The following SUGP1 variants were observed in gnomAD, a reference collection of about 807,000 sequenced individuals.
SUGP1 encodes the protein SURP and G-patch domain-containing protein 1.
In SUGP1, 34 loss-of-function variants were observed where a neutral mutation model predicts 76.5. The ratio of observed to expected loss-of-function variants is 0.44; its 90% confidence interval spans 0.34 to 0.59. SUGP1 has a LOEUF of 0.59. Ranked by LOEUF, SUGP1 falls within the 20% of genes least tolerant of loss-of-function variation. The pLI is 0.01. For synonymous variants in SUGP1, 326 were observed against 326.2 expected (o/e 1.00, Z 0.01); for missense variants, 752 against 851.7 (o/e 0.88, Z 1.46).
Position 19,276,637 on chromosome 19 carries a change from T to A in SUGP1, c.*11A>T. 6.2e-7 allele frequency: 1 copy of A among 1,614,096 alleles called. No individual in the cohort carries two copies. On this transcript the variant is annotated 3_prime_UTR_variant, in exon 14 of 14. Transcript: ENST00000247001. The stretch of plus-strand genomic sequence containing the variant: ...GGTTGGTCATTCAGAAAGTATGTAT[T>A]TCCAGAACACTCAGTAGTAAGGCCG...
At chr19:19,315,733 G>A (rs937376005) in intron 2 of SUGP1, among the ~76,000 whole-genome samples, 1 of 152,158 alleles carries the variant, frequency 6.6e-6, no homozygotes, top group Admixed American at 6.6e-5. Flanking sequence ...CTGTGGCCAC[G>A]GGGCCTGGGA....
In SUGP1 at chr19:19,302,285, G is replaced by A; in HGVS notation, c.867C>T (p.Asn289=). The change falls in exon 7 of 14, where the codon AAC becomes AAT. Residue 289 remains asparagine, a synonymous_variant. Transcript: ENST00000247001. ...CTTACCTGAATGCCTGGTTCTCACGGTTGTTCTGGAGGGCAATGGTTTCCA... is the reference window on the plus strand; with the variant it reads ...CTTACCTGAATGCCTGGTTCTCACGATTGTTCTGGAGGGCAATGGTTTCCA... The part of the protein sequence containing the change: ...PEVETIALQN[N]RENQAFSFLY... 1 of 1,614,200 alleles carries A rather than the reference G, an allele frequency of 6.2e-7. No individual in the cohort carries two copies. Among genetic ancestry groups the A allele is most frequent in the South Asian group, 1.1e-5 (1 of 91,086 alleles).
At chr19:19,317,886 T>C (rs1223236161) in intron 1 of SUGP1, among the ~76,000 whole-genome samples, 1 of 144,160 alleles carries the variant, frequency 6.9e-6, no homozygotes, top group Non-Finnish European at 1.5e-5. Flanking sequence ...CCTCGGCTCA[T>C]TGCAACCTCC....
chr19:19,279,117 G>A (rs943296180), intron 10 of SUGP1, 96 bp downstream of exon 10: 1 of 1,351,232 alleles, frequency 7.4e-7, no homozygotes, highest in Non-Finnish European at 9.9e-7. Flanking sequence ...CAGGATGGCA[G>A]CTCAAGACCA....
intron 3 of SUGP1, 107 bp downstream of exon 3, chr19:19,309,990 T>A (rs2061342621): frequency 1.3e-6 from 1 of 751,650 alleles, no homozygotes; most frequent in African/African-American, 1.7e-5. Flanking sequence ...CGATCTATGA[T>A]TACCGGTGAG....
intron 1 of SUGP1, among the ~76,000 whole-genome samples, chr19:19,318,334 G>A (rs1227420447): frequency 1.3e-5 from 2 of 150,974 alleles, no homozygotes; most frequent in Non-Finnish European, 3.0e-5. Context: ...TGGCCAGGCT[G>A]GTCTCGAATT....
At chr19:19,300,867 T>C (rs2061266556) in intron 7 of SUGP1, among the ~76,000 whole-genome samples, 1 of 152,012 alleles carries the variant, frequency 6.6e-6, no homozygotes, top group South Asian at 2.1e-4. Flanking sequence ...ACCAATAGCA[T>C]CTCTCAGTTC....
chr19:19,309,759 A>G (rs918776769), intron 3 of SUGP1, among the ~76,000 whole-genome samples: 2 of 152,136 alleles, frequency 1.3e-5, no homozygotes, highest in Admixed American at 1.3e-4. Context: ...AAATATTTAA[A>G]AAATTAGCCG....
Position 19,316,609 on chromosome 19 carries a change from G to C in SUGP1, c.35-16C>G, listed in dbSNP as rs1300297691. ...TTAGCCTTTCCTGGGGAGGGAAAAG[G>C]AGTACGTCGGAAATCACCCTTACTC... is the stretch of plus-strand genomic sequence containing the variant. On this transcript the variant is annotated splice_polypyrimidine_tract_variant and intron_variant, in intron 1 of 13. Transcript: ENST00000247001. The C allele has an allele frequency of 6.2e-7, 1 of 1,613,042 alleles. No homozygotes were observed. The highest frequency in any genetic ancestry group is 1.3e-5 in the African/African-American group (1 of 74,860).
At chr19:19,305,137 A>G (rs530063956) in intron 4 of SUGP1, among the ~76,000 whole-genome samples, 41 of 152,318 alleles carry the variant, frequency 2.7e-4, no homozygotes, top group African/African-American at 9.9e-4. Flanking sequence ...CCGCTCGGAC[A>G]CACAGCCAGA....
chr19:19,305,553 G>A (rs563037623), intron 4 of SUGP1: 45 of 302,786 alleles, frequency 1.5e-4, no homozygotes, highest in Non-Finnish European at 2.2e-4. Context: ...GAGCAAATGC[G>A]AGAAGGGCGT....
intron 7 of SUGP1, among the ~76,000 whole-genome samples, chr19:19,297,616 C>A (rs1461039901): frequency 1.3e-5 from 2 of 152,152 alleles, no homozygotes; most frequent in African/African-American, 4.8e-5. Context: ...CATTGTTCAC[C>A]CTGCTACAAA....
chr19:19,310,232 G>A lies in SUGP1; in HGVS notation c.207-32C>T, dbSNP rs767202957. 12 of 1,556,480 alleles carry A rather than the reference G, an allele frequency of 7.7e-6. No individual in the cohort carries two copies. In the South Asian group the frequency reaches 1.3e-4, roughly 17 times the overall value. The stretch of plus-strand genomic sequence containing the variant: ...CCAAGACAGAGGACAGAGAGGGTGA[G>A]CTGGCTAGAGATGGAGTGAGGGCAC... On this transcript the variant is annotated intron_variant, in intron 2 of 13. Coordinates refer to ENST00000247001, the MANE Select transcript of SUGP1 (RefSeq NM_172231.4).
intron 1 of SUGP1, among the ~76,000 whole-genome samples, chr19:19,318,221 G>C (rs1023587459): frequency 1.3e-5 from 2 of 149,184 alleles, no homozygotes; most frequent in African/African-American, 5.0e-5. Flanking sequence ...GAGTTCCAGC[G>C]ATTCTCCTGC....
rs1266077087 is a variant in SUGP1 at position 19,320,483 on chromosome 19, A to G, written c.14T>C (p.Met5Thr). ...GTTACCTGCAACATCCCGGTTGTCC[A>G]TCTTGAGACTCATCCAATCCCACAA... MSLK[M>T]DNRDVAGKAN... The change falls in exon 1 of 14, where the codon ATG (methionine) becomes ACG (threonine). Residue 5 changes from methionine to threonine, a missense_variant. Coordinates refer to ENST00000247001, the MANE Select transcript of SUGP1 (RefSeq NM_172231.4). 1 of 1,609,842 alleles carries G rather than the reference A, an allele frequency of 6.2e-7. No individual in the cohort carries two copies. The highest frequency in any genetic ancestry group is 1.7e-5 in the Admixed American group (1 of 59,324).
At position 19,302,254 on chromosome 19, in the gene SUGP1, G is replaced by A. The variant is rs756087340; in HGVS notation, c.887+11C>T. 9.3e-6 allele frequency: 15 copies of A among 1,613,798 alleles called. No individual in the cohort carries two copies. The highest frequency in any genetic ancestry group is 1.2e-5 in the Non-Finnish European group (14 of 1,179,878). On this transcript the variant is annotated intron_variant, in intron 7 of 13. Coordinates refer to ENST00000247001, the MANE Select transcript of SUGP1 (RefSeq NM_172231.4). ...GGGTGACGGTCACCTCCCTGGCAGG[G>A]CCCCCCTTACCTGAATGCCTGGTTC...
intron 5 of SUGP1, 94 bp from the exon 6 acceptor site, chr19:19,303,542 G>A (rs1340802425): frequency 2.4e-5 from 33 of 1,369,986 alleles, no homozygotes; most frequent in Non-Finnish European, 3.3e-5. Flanking sequence ...AAGGCAGGCT[G>A]GCGAGCAGGG....
intron 3 of SUGP1, among the ~76,000 whole-genome samples, chr19:19,308,390 A>G (rs2146622377): frequency 6.6e-6 from 1 of 152,360 alleles, no homozygotes; most frequent in East Asian, 1.9e-4. Flanking sequence ...GACGTCTACC[A>G]AAGGGAAACA....
At chr19:19,318,899 C>G (rs1202904502) in intron 1 of SUGP1, among the ~76,000 whole-genome samples, 1 of 152,150 alleles carries the variant, frequency 6.6e-6, no homozygotes, top group African/African-American at 2.4e-5. Flanking sequence ...AGAGGTTCCC[C>G]ATGGGACTCA....
Sources: gnomAD v4.1 joint callset for allele counts (sites outside exome capture counted in the v4.1 genomes callset) on GRCh38, gnomAD v4.1.1 for gene constraint, MANE v1.5 for transcripts, NCBI Gene and HGNC (gene_info 2026-07-23, HGNC 2026-07-21) for gene names.